The following CDH13 variants were observed in gnomAD, a reference collection of about 807,000 sequenced individuals.
CDH13 encodes the protein cadherin 13, also known as cadherin-13.
In CDH13, 24 loss-of-function variants were observed where a neutral mutation model predicts 63.8. That is an observed-to-expected ratio of 0.38 (90% CI 0.27 to 0.53). CDH13 has a LOEUF of 0.53. Ranked by LOEUF, CDH13 falls within the 20% of genes least tolerant of loss-of-function variation. The pLI is 0.85. For synonymous variants in CDH13, 503 were observed against 355.3 expected, an observed-to-expected ratio of 1.42 and a Z score of -4.67; for missense variants, 1,049 against 903.1, an observed-to-expected ratio of 1.16 and a Z score of -2.07.
At chr16:83,130,812 G>A (rs1243353690) in intron 4 of CDH13, among the ~76,000 whole-genome samples, 1 of 152,044 alleles carries the variant, frequency 6.6e-6, no homozygotes, top group Admixed American at 6.6e-5. Flanking sequence ...TGATTTTTTT[G>A]GTCATATTTT....
intron 6 of CDH13, among the ~76,000 whole-genome samples, chr16:83,482,279 A>G (rs140477864): frequency 6.6e-6 from 1 of 152,348 alleles, no homozygotes; most frequent in African/African-American, 2.4e-5. Flanking sequence ...CAAAATGAAC[A>G]CAACAGTCTA....
chr16:82,658,483 C>G (rs923138795), intron 1 of CDH13, among the ~76,000 whole-genome samples: 1 of 152,208 alleles, frequency 6.6e-6, no homozygotes, highest in Non-Finnish European at 1.5e-5. Flanking sequence ...TCATACCTGT[C>G]TCAAGAGAGA....
At chr16:83,497,683 T>TA (rs1248315215) in intron 7 of CDH13, among the ~76,000 whole-genome samples, 10 of 152,114 alleles carry the variant, frequency 6.6e-5, no homozygotes, top group African/African-American at 2.4e-4. Flanking sequence ...TTAAAAATTA[T>TA]AAAAAGCATT....
At chr16:83,016,427 C>A (rs867958072) in intron 2 of CDH13, among the ~76,000 whole-genome samples, 47 of 152,284 alleles carry the variant, frequency 3.1e-4, no homozygotes, top group Middle Eastern at 3.4e-3. Context: ...TCTTCTAGGG[C>A]TAGCACCAAG....
At chr16:83,017,611 T>G (rs188002132) in intron 2 of CDH13, among the ~76,000 whole-genome samples, 2 of 152,220 alleles carry the variant, frequency 1.3e-5, no homozygotes, top group East Asian at 3.8e-4. Flanking sequence ...ATCAAGTATT[T>G]AGTCCACGGA....
In CDH13 at chr16:82,807,692, T is replaced by C. The variant is rs890711232; in HGVS notation, c.46-50670T>C. 3.9e-5 allele frequency among the ~76,000 whole-genome samples: 6 copies of C among 152,244 alleles called. No individual in the cohort carries two copies. The East Asian group carries it at 7.7e-4, about 20-fold the overall frequency. ...CTTTATGAGTTGGAAGAAGAGAAAA[T>C]GTGCTTCCTGTTTCTTACAGAGGAT... On this transcript the variant is annotated intron_variant, in intron 1 of 13. Coordinates refer to ENST00000567109, the MANE Select transcript of CDH13 (RefSeq NM_001257.5).
chr16:83,404,187 G>A (rs1380264085), intron 6 of CDH13, among the ~76,000 whole-genome samples: 1 of 152,162 alleles, frequency 6.6e-6, no homozygotes, highest in Non-Finnish European at 1.5e-5. Context: ...ATAATCCTTT[G>A]TTGGGGGAAC....
intron 10 of CDH13, among the ~76,000 whole-genome samples, chr16:83,681,727 T>C (rs1567512148): frequency 6.6e-6 from 1 of 152,186 alleles, no homozygotes; most frequent in Non-Finnish European, 1.5e-5. Flanking sequence ...CAGCCTTTGA[T>C]CCTGCACACT....
intron 8 of CDH13, among the ~76,000 whole-genome samples, chr16:83,663,464 G>T (rs996277247): frequency 1.3e-5 from 2 of 152,158 alleles, no homozygotes; most frequent in African/African-American, 4.8e-5. Flanking sequence ...AGAAGAACTG[G>T]TTACTATTCT....
At chr16:82,749,322 A>C (rs553040075) in intron 1 of CDH13, among the ~76,000 whole-genome samples, 2 of 152,324 alleles carry the variant, frequency 1.3e-5, no homozygotes, top group South Asian at 4.1e-4. Context: ...GTTTGTTTGC[A>C]TTACATTCAA....
intron 4 of CDH13, among the ~76,000 whole-genome samples, chr16:83,178,116 T>C (rs2038201628): frequency 6.6e-6 from 1 of 152,118 alleles, no homozygotes; most frequent in Non-Finnish European, 1.5e-5. Context: ...AAAGCCCTGG[T>C]TTTGGCTTCT....
chr16:83,306,749 G>C (rs1475785944), intron 5 of CDH13, among the ~76,000 whole-genome samples: 1 of 152,128 alleles, frequency 6.6e-6, no homozygotes. Context: ...ACTCTTGCAA[G>C]CCATGATAAG....
At chr16:83,409,358 C>T (rs901108754) in intron 6 of CDH13, among the ~76,000 whole-genome samples, 1 of 152,190 alleles carries the variant, frequency 6.6e-6, no homozygotes, top group African/African-American at 2.4e-5. Flanking sequence ...GAGCTGCCTG[C>T]TGTGCCTTTG....
intron 2 of CDH13, among the ~76,000 whole-genome samples, chr16:82,977,582 C>A (rs1357852424): frequency 6.6e-6 from 1 of 152,146 alleles, no homozygotes; most frequent in Non-Finnish European, 1.5e-5. Context: ...CCCCATCCAC[C>A]ATGATTGTAA....
At chr16:83,270,342 G>A (rs1343759512) in intron 5 of CDH13, among the ~76,000 whole-genome samples, 1 of 152,204 alleles carries the variant, frequency 6.6e-6, no homozygotes, top group Non-Finnish European at 1.5e-5. Flanking sequence ...AGGTTTTACA[G>A]TCTGGGATGT....
chr16:83,204,121 C>T lies in CDH13; in HGVS notation c.484-13224C>T, dbSNP rs115374805. Among the ~76,000 whole-genome samples, 900 of 152,290 alleles carry T rather than the reference C, an allele frequency of 5.9e-3. 11 individuals carry two copies. The highest frequency in any genetic ancestry group is 0.02 in the African/African-American group (814 of 41,562). On this transcript the variant is annotated intron_variant, in intron 4 of 13. Transcript: ENST00000567109. The stretch of plus-strand genomic sequence containing the variant: ...ATGAATGGCCATGTCACACGGAGTT[C>T]CGATTGGGAGCTCTTCCATCAGTGT...
At chr16:83,440,655 C>A (rs958275508) in intron 6 of CDH13, among the ~76,000 whole-genome samples, 2 of 151,916 alleles carry the variant, frequency 1.3e-5, no homozygotes, top group African/African-American at 4.8e-5. Context: ...CATAGTGGCG[C>A]ACACCCGTCG....
chr16:82,963,656 C>A (rs1020030720), intron 2 of CDH13, among the ~76,000 whole-genome samples: 1 of 152,158 alleles, frequency 6.6e-6, no homozygotes, highest in South Asian at 2.1e-4. Context: ...GGGGAGAGAG[C>A]GCATATCTGC....
At chr16:83,238,893 G>A (rs1436185951) in intron 5 of CDH13, among the ~76,000 whole-genome samples, 1 of 152,140 alleles carries the variant, frequency 6.6e-6, no homozygotes, top group African/African-American at 2.4e-5. Flanking sequence ...GATGTTAGTT[G>A]GAAGGACACA....
Sources: gnomAD v4.1 joint callset for allele counts (sites outside exome capture counted in the v4.1 genomes callset) on GRCh38, gnomAD v4.1.1 for gene constraint, MANE v1.5 for transcripts, NCBI Gene and HGNC (gene_info 2026-07-23, HGNC 2026-07-21) for gene names.